Variants in NOL10 observed in about 807,000 individuals in gnomAD.
NOL10 encodes the protein H_NH0074G24.1.
A neutral mutation model predicts 103.5 loss-of-function variants in NOL10; 58 were observed. The ratio of observed to expected loss-of-function variants is 0.56; its 90% CI spans 0.45 to 0.70. NOL10 has a LOEUF of 0.70. Among genes scored for constraint, NOL10 ranks in the 30% least tolerant of loss-of-function variants. The probability of loss-of-function intolerance (pLI) is 0.00; values close to 1 mark genes in which losing one functional copy is unlikely to be tolerated. For missense variants in NOL10, 763 were observed against 807.3 expected (o/e 0.95, Z 0.67); for synonymous variants, 287 against 282.5 (o/e 1.02, Z -0.16).
At chr2:10,598,503 C>G (rs1675813800) in intron 17 of NOL10, among the ~76,000 whole-genome samples, 1 of 152,140 alleles carries the variant, frequency 6.6e-6, no homozygotes, top group African/African-American at 2.4e-5. Context: ...CACTCTAAGT[C>G]TGTAGTGAGG....
chr2:10,627,821 C>A (rs1370264903), intron 13 of NOL10, among the ~76,000 whole-genome samples: 1 of 151,950 alleles, frequency 6.6e-6, no homozygotes, highest in Non-Finnish European at 1.5e-5. Context: ...GGTTGAATCG[C>A]ATCCTAAACC....
intron 12 of NOL10, among the ~76,000 whole-genome samples, chr2:10,648,909 C>T (rs966130263): frequency 6.6e-6 from 1 of 151,728 alleles, no homozygotes; most frequent in African/African-American, 2.4e-5. Context: ...TACACAACAG[C>T]GAAATGTAAC....
chr2:10,587,118 TAC>T lies in NOL10; in HGVS notation c.1844+1923_1844+1924del, dbSNP rs1224060149. 2.8e-4 allele frequency among the ~76,000 whole-genome samples: 13 copies of T among 45,874 alleles called. 3 individuals carry two copies. The highest frequency in any genetic ancestry group is 9.9e-4 in the Admixed American group (4 of 4,056). 30.1% of individuals were successfully genotyped at this position (45,874 alleles called of 152,430 possible). A position where few individuals can be genotyped will look rare whatever the true frequency, so the allele number is the denominator to read the frequency against. On this transcript the variant is annotated intron_variant, in intron 19 of 20. Transcript: ENST00000381685. ...ATATACACATATATATACATATATA[TAC>T]ATATATATACATATATACACATATA...
intron 13 of NOL10, among the ~76,000 whole-genome samples, chr2:10,635,387 T>C (rs190848825): frequency 2.6e-5 from 4 of 152,322 alleles, no homozygotes; most frequent in Middle Eastern, 6.8e-3. Context: ...GGGACAAATA[T>C]GGTCATTCAC....
At chr2:10,636,435 A>C (rs868662666) in intron 13 of NOL10, among the ~76,000 whole-genome samples, 15 of 149,796 alleles carry the variant, frequency 1.0e-4, no homozygotes, top group African/African-American at 2.7e-4. Flanking sequence ...AAAAAAAAAA[A>C]AAAAAAAAAA....
intron 3 of NOL10, among the ~76,000 whole-genome samples, chr2:10,679,690 A>G (rs1681592601): frequency 1.3e-5 from 2 of 151,524 alleles, no homozygotes; most frequent in Admixed American, 1.3e-4. Flanking sequence ...CAGTGGCGCG[A>G]TCCTGGCTTA....
chr2:10,581,905 A>C (rs143959120), intron 19 of NOL10, among the ~76,000 whole-genome samples: 1 of 152,300 alleles, frequency 6.6e-6, no homozygotes, highest in African/African-American at 2.4e-5. Context: ...ACATACGGGA[A>C]TGAATGCATT....
At chr2:10,625,645 A>G (rs1216227347) in intron 13 of NOL10, among the ~76,000 whole-genome samples, 2 of 152,152 alleles carry the variant, frequency 1.3e-5, no homozygotes, top group Non-Finnish European at 2.9e-5. Context: ...CCATTTAACA[A>G]TCTGTAATAA....
chr2:10,591,935 C>T (rs1675412326), intron 17 of NOL10, among the ~76,000 whole-genome samples: 1 of 152,078 alleles, frequency 6.6e-6, no homozygotes. Context: ...CCTGGGAAGT[C>T]AGGGCTGCAG....
At chr2:10,638,300 AAC>A (rs1039009897) in intron 13 of NOL10, among the ~76,000 whole-genome samples, 14 of 87,192 alleles carry the variant, frequency 1.6e-4, no homozygotes, top group African/African-American at 5.4e-4. Flanking sequence ...AAAATAACGT[AAC>A]GTGACGTGAC....
chr2:10,603,220 T>A lies in NOL10; in HGVS notation c.1154-63A>T. ...CAATCTTCATTAACATTCAACAGTT[T>A]TTCTTGGGCAACAATTTGATTATAG... On this transcript the variant is annotated intron_variant, in intron 14 of 20. Coordinates refer to ENST00000381685, the MANE Select transcript of NOL10 (RefSeq NM_024894.4). 3 of 1,211,092 alleles carry A rather than the reference T, an allele frequency of 2.5e-6. No individual in the cohort carries two copies. In the South Asian group the frequency reaches 4.1e-5, roughly 17 times the overall value. The allele number at this position is 1,211,092 out of a possible 1,614,324, so 75.0% of individuals were successfully genotyped here.
At chr2:10,598,440 A>G (rs1489182855) in intron 17 of NOL10, among the ~76,000 whole-genome samples, 1 of 152,236 alleles carries the variant, frequency 6.6e-6, no homozygotes, top group Non-Finnish European at 1.5e-5. Context: ...GGAGTTATAG[A>G]AGAAAGAGCT....
intron 19 of NOL10, among the ~76,000 whole-genome samples, chr2:10,580,618 A>G (rs1399285829): frequency 6.6e-6 from 1 of 152,234 alleles, no homozygotes; most frequent in Non-Finnish European, 1.5e-5. Context: ...CTAAATTATT[A>G]GTAAATTTAT....
At chr2:10,624,371 G>A (rs935016496) in intron 13 of NOL10, among the ~76,000 whole-genome samples, 8 of 151,842 alleles carry the variant, frequency 5.3e-5, no homozygotes, top group African/African-American at 1.9e-4. Context: ...GGACCTATCA[G>A]CCCCAAGTGG....
chr2:10,609,212 G>A (rs1676415891), intron 13 of NOL10, among the ~76,000 whole-genome samples: 1 of 150,044 alleles, frequency 6.7e-6, no homozygotes, highest in Non-Finnish European at 1.5e-5. Flanking sequence ...TGTGTGCAAT[G>A]AACTCAGACT....
At position 10,659,350 on chromosome 2, in the gene NOL10, G is replaced by A. The variant is rs114205806; in HGVS notation, c.678-100C>T. On this transcript the variant is annotated intron_variant, in intron 9 of 20. Coordinates refer to ENST00000381685, the MANE Select transcript of NOL10 (RefSeq NM_024894.4). ...TTCACTTCAAATCTAATGGGGGGGG[G>A]GGGGAGGAATCACATTTCTAGGCTT... The A allele has an allele frequency of 2.8e-4, 131 of 470,196 alleles. 7 individuals are homozygous for A. Among genetic ancestry groups the A allele is most frequent in the African/African-American group, 2.2e-3 (105 of 47,334 alleles). The allele number at this position is 470,196 out of a possible 1,614,324, so 29.1% of individuals were successfully genotyped here.
rs1347119151 is a variant in NOL10, at chr2:10,644,307, T to C, written c.1026+13A>G. The C allele has an allele frequency of 1.3e-6, 2 of 1,495,042 alleles. No homozygotes were observed. The highest frequency in any genetic ancestry group is 8.9e-7 in the Non-Finnish European group (1 of 1,119,916). The allele number at this position is 1,495,042 out of a possible 1,614,324, so 92.6% of individuals were successfully genotyped here. A position where few individuals can be genotyped will look rare whatever the true frequency, so the allele number is the denominator to read the frequency against. ...GTCCTATTTTTACTGAAACTCCTCTTTGTATTACTTACTGGAATGTAATAG... is the reference window on the plus strand; with the variant it reads ...GTCCTATTTTTACTGAAACTCCTCTCTGTATTACTTACTGGAATGTAATAG... On this transcript the variant is annotated intron_variant, in intron 13 of 20. Transcript: ENST00000381685.
intron 2 of NOL10, 67 bp from the exon 3 acceptor site, chr2:10,682,136 A>C: frequency 1.6e-6 from 1 of 619,498 alleles, no homozygotes; most frequent in Non-Finnish European, 2.6e-6. Context: ...AAGAAGACAA[A>C]TGGGTACCAA....
intron 17 of NOL10, among the ~76,000 whole-genome samples, chr2:10,600,143 G>C (rs1405302148): frequency 1.3e-5 from 2 of 152,204 alleles, no homozygotes; most frequent in Non-Finnish European, 2.9e-5. Context: ...AACCAAGCTT[G>C]GCTATCTGCC....
Sources: gnomAD v4.1 joint callset for allele counts (sites outside exome capture counted in the v4.1 genomes callset) on GRCh38, gnomAD v4.1.1 for gene constraint, MANE v1.5 for transcripts, NCBI Gene and HGNC (gene_info 2026-07-23, HGNC 2026-07-21) for gene names.